SAMD4A: variants seen among roughly 807,000 people sequenced by gnomAD.
SAMD4A encodes the protein protein Smaug homolog 1.
SAMD4A carries 33 observed loss-of-function variants against 81.3 expected under a neutral mutation model. That is an observed-to-expected ratio of 0.41 (90% confidence interval 0.31 to 0.54). The LOEUF is 0.54. Ranked by LOEUF, SAMD4A falls within the 20% of genes least tolerant of loss-of-function variation. SAMD4A has a pLI of 0.37. For synonymous variants in SAMD4A, 389 were observed against 382.1 expected (o/e 1.02, Z -0.21); for missense variants, 854 against 951.1 (o/e 0.90, Z 1.34).
intron 7 of SAMD4A, among the ~76,000 whole-genome samples, chr14:54,762,304 G>C (rs548848642): frequency 2.0e-5 from 3 of 152,140 alleles, no homozygotes; most frequent in African/African-American, 7.2e-5. Context: ...CCTTTGGAAG[G>C]GGAAAACAAT....
chr14:54,785,698 G>A (rs561337713), intron 12 of SAMD4A, among the ~76,000 whole-genome samples: 1 of 152,216 alleles, frequency 6.6e-6, no homozygotes, highest in Non-Finnish European at 1.5e-5. Flanking sequence ...TTGTCCTCCA[G>A]ACCTAAGGTT....
chr14:54,692,251 C>T (rs2036459976), intron 2 of SAMD4A, among the ~76,000 whole-genome samples: 1 of 152,158 alleles, frequency 6.6e-6, no homozygotes, highest in Non-Finnish European at 1.5e-5. Flanking sequence ...GTGTGCACTC[C>T]AGCCCTTCCC....
chr14:54,733,084 A>G (rs959421157), intron 3 of SAMD4A, among the ~76,000 whole-genome samples: 1 of 152,162 alleles, frequency 6.6e-6, no homozygotes. Flanking sequence ...AGATGAAAAA[A>G]TCATTAGGTT....
chr14:54,642,745 T>C (rs908682353), intron 2 of SAMD4A, among the ~76,000 whole-genome samples: 1 of 151,988 alleles, frequency 6.6e-6, no homozygotes, highest in African/African-American at 2.4e-5. Flanking sequence ...GGATGGAGAG[T>C]CGGACGAAGA....
intron 2 of SAMD4A, among the ~76,000 whole-genome samples, chr14:54,601,319 A>G (rs1429739431): frequency 6.6e-6 from 1 of 151,920 alleles, no homozygotes; most frequent in Admixed American, 6.6e-5. Context: ...TATTTCAACT[A>G]TCCTGCTCTT....
At chr14:54,580,557 C>G (rs1304243606) in intron 2 of SAMD4A, among the ~76,000 whole-genome samples, 1 of 152,210 alleles carries the variant, frequency 6.6e-6, no homozygotes, top group Non-Finnish European at 1.5e-5. Flanking sequence ...TGACTGCCCA[C>G]TACCTGTGGG....
chr14:54,613,988 C>T (rs574359340), intron 2 of SAMD4A, among the ~76,000 whole-genome samples: 3 of 152,256 alleles, frequency 2.0e-5, no homozygotes, highest in Non-Finnish European at 2.9e-5. Context: ...TTTTAGTGTC[C>T]GTCAAAGAAC....
At chr14:54,693,683 A>G (rs2036508359) in intron 2 of SAMD4A, 1 of 151,526 alleles carries the variant, frequency 6.6e-6, no homozygotes, top group South Asian at 2.1e-4. Context: ...ACCCTGTCTC[A>G]AAAAAAAACT....
rs141514832 is a variant in SAMD4A at position 54,724,012 on chromosome 14, G to GGAAGGAAGGAAGAAGGAA, written c.716-13000_716-12999insAAGGAAGAAGGAAGGAAG. On this transcript the variant is annotated intron_variant, in intron 3 of 12. Transcript: ENST00000554335. ...ATATTGGATGGATGGATGGATGGAA[G>GGAAGGAAGGAAGAAGGAA]GAAGGAAGGAAGGAAGGAAGGAAGG... Among the ~76,000 whole-genome samples, 140 of 141,598 alleles carry GGAAGGAAGGAAGAAGGAA rather than the reference G, an allele frequency of 9.9e-4. 3 individuals carry two copies. Among genetic ancestry groups the GGAAGGAAGGAAGAAGGAA allele is most frequent in the East Asian group, 5.4e-3 (26 of 4,812 alleles). 92.9% of individuals were successfully genotyped at this position (141,598 alleles called of 152,430 possible).
chr14:54,731,519 A>AAC (rs1167044722), intron 3 of SAMD4A, among the ~76,000 whole-genome samples: 1 of 152,230 alleles, frequency 6.6e-6, no homozygotes. Context: ...ATAATGTGCA[A>AAC]ACACTTGGCA....
intron 3 of SAMD4A, among the ~76,000 whole-genome samples, chr14:54,727,758 A>G (rs1164266920): frequency 6.6e-6 from 1 of 152,186 alleles, no homozygotes; most frequent in Non-Finnish European, 1.5e-5. Context: ...TGAGTTTACA[A>G]ATATAGAATC....
chr14:54,697,853 T>G (rs1197228243), intron 2 of SAMD4A, among the ~76,000 whole-genome samples: 1 of 152,216 alleles, frequency 6.6e-6, no homozygotes, highest in Non-Finnish European at 1.5e-5. Flanking sequence ...TTCCCTCATA[T>G]GGCTGGCAAC....
At chr14:54,780,968 C>A (rs2038985382) in intron 11 of SAMD4A, among the ~76,000 whole-genome samples, 4 of 152,076 alleles carry the variant, frequency 2.6e-5, no homozygotes, top group African/African-American at 9.7e-5. Flanking sequence ...CCATCCTCCC[C>A]CTTTCTTCTT....
chr14:54,594,980 T>A lies in SAMD4A; in HGVS notation c.196+26868T>A, dbSNP rs188841058. 1.4e-3 allele frequency among the ~76,000 whole-genome samples: 220 copies of A among 152,290 alleles called. 1 individual carries two copies. Among genetic ancestry groups the A allele is most frequent in the Non-Finnish European group, 2.2e-3 (153 of 68,008 alleles). ...ACAGGACTTTAAATAATGAAGACAA[T>A]GACATTTTTGCAATGTGAAATCCCA... On this transcript the variant is annotated intron_variant, in intron 2 of 12. Transcript: ENST00000554335.
chr14:54,597,936 A>G (rs1186784156), intron 2 of SAMD4A, among the ~76,000 whole-genome samples: 1 of 152,156 alleles, frequency 6.6e-6, no homozygotes, highest in Admixed American at 6.5e-5. Context: ...CCTGATAGAC[A>G]TCTGAGTTTA....
intron 6 of SAMD4A, among the ~76,000 whole-genome samples, chr14:54,753,050 G>T (rs965325398): frequency 2.0e-5 from 3 of 152,242 alleles, no homozygotes; most frequent in Admixed American, 1.3e-4. Context: ...TTGAACAAAT[G>T]TACAATCGGG....
At chr14:54,617,680 G>A (rs1289092365) in intron 2 of SAMD4A, among the ~76,000 whole-genome samples, 1 of 152,158 alleles carries the variant, frequency 6.6e-6, no homozygotes, top group Non-Finnish European at 1.5e-5. Flanking sequence ...CTCCATTGGA[G>A]TTCTCACTGC....
intron 2 of SAMD4A, among the ~76,000 whole-genome samples, chr14:54,619,279 T>A (rs1227394584): frequency 6.6e-6 from 1 of 152,220 alleles, no homozygotes; most frequent in Non-Finnish European, 1.5e-5. Flanking sequence ...TTTCATCCTA[T>A]CCAAAATTCT....
chr14:54,789,057 C>T lies in SAMD4A; in HGVS notation c.*113C>T, dbSNP rs868042061. On this transcript the variant is annotated 3_prime_UTR_variant, in exon 13 of 13. Transcript: ENST00000554335. Reference sequence around the variant, plus strand: ...CCAAGATACTTTGCAGCCTTTTTTCCCCCTGGTCCCTCTCCCGTTTTGATT... The same window carrying T: ...CCAAGATACTTTGCAGCCTTTTTTCTCCCTGGTCCCTCTCCCGTTTTGATT... 1 of 1,185,422 alleles carries T rather than the reference C, an allele frequency of 8.4e-7. No individual in the cohort carries two copies. The highest frequency in any genetic ancestry group is 1.3e-6 in the Non-Finnish European group (1 of 797,124). 73.4% of individuals were successfully genotyped at this position (1,185,422 alleles called of 1,614,324 possible). A position where few individuals can be genotyped will look rare whatever the true frequency, so the allele number is the denominator to read the frequency against.
Sources: allele counts gnomAD v4.1 joint callset (sites outside exome capture counted in the v4.1 genomes callset), GRCh38; gene constraint gnomAD v4.1.1; transcripts MANE v1.5; gene names NCBI Gene and HGNC (gene_info 2026-07-23, HGNC 2026-07-21).